Variants in ZMAT4 observed in about 807,000 individuals in gnomAD.
ZMAT4 encodes zinc finger matrin-type protein 4.
ZMAT4 carries 17 observed loss-of-function variants against 28.7 expected under a neutral mutation model. The ratio of observed to expected loss-of-function variants is 0.59; its 90% CI spans 0.41 to 0.89. The LOEUF (loss-of-function observed/expected upper bound fraction) is 0.89. Ranked by LOEUF, ZMAT4 falls within the 40% of genes least tolerant of loss-of-function variation. The pLI, the probability that ZMAT4 is intolerant of heterozygous loss-of-function variation, is 0.00. For missense variants in ZMAT4, 240 were observed against 283.8 expected, an observed-to-expected ratio of 0.85 and a Z score of 1.11; for synonymous variants, 117 against 109.2, an observed-to-expected ratio of 1.07 and a Z score of -0.44.
chr8:40,670,919 T>G (rs528846381), intron 5 of ZMAT4, among the ~76,000 whole-genome samples: 1 of 151,852 alleles, frequency 6.6e-6, no homozygotes. Flanking sequence ...ATACGAAAAT[T>G]AGCTGGGCGT....
chr8:40,661,901 G>T (rs1250742195), intron 5 of ZMAT4, among the ~76,000 whole-genome samples: 3 of 152,196 alleles, frequency 2.0e-5, no homozygotes, highest in Admixed American at 6.5e-5. Context: ...AAATGAATTG[G>T]TTAGCAGTTT....
At chr8:40,573,116 C>T (rs1804151161) in intron 6 of ZMAT4, among the ~76,000 whole-genome samples, 1 of 152,174 alleles carries the variant, frequency 6.6e-6, no homozygotes, top group Non-Finnish European at 1.5e-5. Flanking sequence ...CAGAGGCTCA[C>T]AAGTTACACT....
chr8:40,775,713 C>G lies in ZMAT4; in HGVS notation c.103-7983G>C, dbSNP rs141763649. Among the ~76,000 whole-genome samples the G allele has an allele frequency of 4.7e-3, 721 of 152,134 alleles. 3 individuals are homozygous for G. The highest frequency in any genetic ancestry group is 0.017 in the African/African-American group (687 of 41,430). On this transcript the variant is annotated intron_variant, in intron 2 of 6. Transcript: ENST00000297737. ...GGCTTCTGTGGCTGAAGGTGCCATG[C>G]CTTAGCTTTTAATTATAGGATCGTG...
chr8:40,849,080 C>T (rs978895013), intron 1 of ZMAT4, among the ~76,000 whole-genome samples: 1 of 152,248 alleles, frequency 6.6e-6, no homozygotes, highest in Non-Finnish European at 1.5e-5. Context: ...CCATCCCATC[C>T]CATGCTGGCA....
intron 2 of ZMAT4, among the ~76,000 whole-genome samples, chr8:40,801,356 A>ATATATATATGTATATATATATATATG (rs371090226): frequency 7.2e-6 from 1 of 139,676 alleles, no homozygotes; most frequent in Non-Finnish European, 1.5e-5. Flanking sequence ...AAAAAAATAT[A>ATATATATATGTATATATATATATATG]TATATATATA....
chr8:40,661,168 A>G (rs570882945), intron 5 of ZMAT4, among the ~76,000 whole-genome samples: 109 of 152,264 alleles, frequency 7.2e-4, no homozygotes, highest in African/African-American at 2.4e-3. Context: ...TGGCACAATC[A>G]TGGCTCACTG....
At chr8:40,801,352 ATATATATATATATATATATAC>A (rs1814833469) in intron 2 of ZMAT4, among the ~76,000 whole-genome samples, 1 of 72,146 alleles carries the variant, frequency 1.4e-5, no homozygotes, top group Non-Finnish European at 3.2e-5. Context: ...AAAAAAAAAA[ATATATATATATATATATATAC>A]ATATATATAT....
At position 40,543,125 on chromosome 8, in the gene ZMAT4, C is replaced by T. The variant is rs1036243728; in HGVS notation, c.675-10887G>A. Reference sequence around the variant, plus strand: ...TTTTCTCCTTCAGGCTCAGAGTTTACGTGCCATCCAGCACCCAGCTACAAA... The same window carrying T: ...TTTTCTCCTTCAGGCTCAGAGTTTATGTGCCATCCAGCACCCAGCTACAAA... On this transcript the variant is annotated intron_variant, in intron 6 of 6. Coordinates refer to ENST00000297737, the MANE Select transcript of ZMAT4 (RefSeq NM_024645.3). Among the ~76,000 whole-genome samples the T allele has an allele frequency of 3.3e-5, 5 of 152,120 alleles. No homozygotes were observed. In the South Asian group the frequency reaches 8.3e-4, roughly 25 times the overall value.
chr8:40,727,952 C>A (rs1041090394), intron 3 of ZMAT4, among the ~76,000 whole-genome samples: 3 of 151,860 alleles, frequency 2.0e-5, no homozygotes, highest in Admixed American at 6.6e-5. Flanking sequence ...TATGAGCTAG[C>A]CTTTAAAAAA....
chr8:40,837,041 C>T (rs1244360325), intron 1 of ZMAT4, among the ~76,000 whole-genome samples: 2 of 152,092 alleles, frequency 1.3e-5, no homozygotes, highest in Admixed American at 6.5e-5. Flanking sequence ...TGATGAGAGA[C>T]GATTTTCTAG....
At chr8:40,780,945 G>T (rs1813799789) in intron 2 of ZMAT4, among the ~76,000 whole-genome samples, 1 of 152,188 alleles carries the variant, frequency 6.6e-6, no homozygotes, top group African/African-American at 2.4e-5. Context: ...TGGTGGATCA[G>T]AAGCTTTCCC....
chr8:40,541,301 G>C (rs1046063243), intron 6 of ZMAT4, among the ~76,000 whole-genome samples: 3 of 152,064 alleles, frequency 2.0e-5, no homozygotes, highest in African/African-American at 7.2e-5. Context: ...AGTAGCCCTG[G>C]TTTTACCTGT....
intron 6 of ZMAT4, among the ~76,000 whole-genome samples, chr8:40,559,415 T>A (rs548477175): frequency 6.6e-6 from 1 of 152,250 alleles, no homozygotes; most frequent in South Asian, 2.1e-4. Flanking sequence ...CCTTCATGAA[T>A]ATGCATTCCT....
At chr8:40,646,102 G>A (rs1807300388) in intron 5 of ZMAT4, among the ~76,000 whole-genome samples, 1 of 151,768 alleles carries the variant, frequency 6.6e-6, no homozygotes, top group Non-Finnish European at 1.5e-5. Flanking sequence ...GTGAGGACTG[G>A]TTTTGTTGTG....
chr8:40,738,663 G>A (rs1016630939), intron 3 of ZMAT4, among the ~76,000 whole-genome samples: 7 of 152,152 alleles, frequency 4.6e-5, no homozygotes, highest in African/African-American at 9.7e-5. Flanking sequence ...AAGTCCTTGC[G>A]CGAAGAGAGG....
intron 3 of ZMAT4, among the ~76,000 whole-genome samples, chr8:40,745,890 C>T (rs1346983102): frequency 6.6e-6 from 1 of 152,092 alleles, no homozygotes; most frequent in Non-Finnish European, 1.5e-5. Context: ...TAATAAAATG[C>T]ACATGATTTT....
At chr8:40,566,085 G>A (rs1175714573) in intron 6 of ZMAT4, among the ~76,000 whole-genome samples, 1 of 152,152 alleles carries the variant, frequency 6.6e-6, no homozygotes, top group African/African-American at 2.4e-5. Context: ...CTAGCACAGA[G>A]TGGGTGGGTC....
intron 1 of ZMAT4, among the ~76,000 whole-genome samples, chr8:40,881,464 A>AAAGAAAGT (rs1554497954): frequency 1.4e-4 from 20 of 146,956 alleles, no homozygotes; most frequent in Admixed American, 6.9e-4. Flanking sequence ...AGAAAGAAAG[A>AAAGAAAGT]AAGAAAGAAA....
Position 40,760,973 on chromosome 8 carries a change from C to T in ZMAT4, c.192+6668G>A, listed in dbSNP as rs535122512. Among the ~76,000 whole-genome samples the T allele has an allele frequency of 3.3e-5, 5 of 151,984 alleles. No homozygotes were observed. In the South Asian group the frequency reaches 8.3e-4, roughly 25 times the overall value. On this transcript the variant is annotated intron_variant, in intron 3 of 6. Transcript: ENST00000297737. ...CCTACATTATAAACCTTTAATTGTC[C>T]TCCCAAGAAATTGCTAGTTCGGAAA...
Sources: allele counts gnomAD v4.1 joint callset (sites outside exome capture counted in the v4.1 genomes callset), GRCh38; gene constraint gnomAD v4.1.1; transcripts MANE v1.5; gene names NCBI Gene and HGNC (gene_info 2026-07-23, HGNC 2026-07-21).